Variants in GRAMD1A observed in about 807,000 individuals in gnomAD.
GRAMD1A encodes the protein protein Aster-A.
In GRAMD1A, 50 loss-of-function variants were observed where a neutral mutation model predicts 92.0. That is an observed-to-expected ratio of 0.54 (90% CI 0.43 to 0.69). GRAMD1A has a LOEUF of 0.69. Ranked by LOEUF, GRAMD1A falls within the 30% of genes least tolerant of loss-of-function variation. The pLI, the probability that GRAMD1A is intolerant of heterozygous loss-of-function variation, is 0.00. For synonymous variants in GRAMD1A, 405 were observed against 403.6 expected, an observed-to-expected ratio of 1.00 and a Z score of -0.04; for missense variants, 819 against 978.9, an observed-to-expected ratio of 0.84 and a Z score of 2.18.
chr19:35,004,447 C>T (rs1369812046), intron 1 of GRAMD1A, among the ~76,000 whole-genome samples: 1 of 152,146 alleles, frequency 6.6e-6, no homozygotes, highest in African/African-American at 2.4e-5. Flanking sequence ...CTTTCCAAGT[C>T]CTGCCTGCTG....
At chr19:35,004,188 G>C (rs2014627631) in intron 1 of GRAMD1A, among the ~76,000 whole-genome samples, 1 of 152,146 alleles carries the variant, frequency 6.6e-6, no homozygotes. Flanking sequence ...GGGAGGCTGA[G>C]GATTGAGAAT....
rs1672100314 is a variant in GRAMD1A, at chr19:35,013,808, G to A, written c.870+117G>A. 4 of 1,046,238 alleles carry A rather than the reference G, an allele frequency of 3.8e-6. No homozygotes were observed. In the Admixed American group the frequency reaches 9.8e-5, roughly 26 times the overall value. The allele number at this position is 1,046,238 out of a possible 1,614,324, so 64.8% of individuals were successfully genotyped here. A position where few individuals can be genotyped will look rare whatever the true frequency, so the allele number is the denominator to read the frequency against. The stretch of plus-strand genomic sequence containing the variant: ...GGAGGGGAATGGATAGGGGGACAGG[G>A]GAGGCCTGGATGGAGGAACAGGACA... On this transcript the variant is annotated intron_variant, in intron 9 of 19. Transcript: ENST00000317991. This position sits in a 1 kb window ranked among gnomAD's most constrained non-coding sequence, Gnocchi z 4.9.
rs373716369 is a variant in GRAMD1A at position 35,020,768 on chromosome 19, T to C, written c.1476-734T>C. On this transcript the variant is annotated intron_variant, in intron 13 of 19. Transcript: ENST00000317991. ...CCAGGGCTCTGAGCCAGGAGGGCGC[T>C]GACCTGACTCAGGTGGTCCCAGGCT... Among the ~76,000 whole-genome samples the C allele has an allele frequency of 3.4e-3, 513 of 151,800 alleles. 27 individuals carry two copies. In the South Asian group the frequency reaches 0.087, roughly 26 times the overall value.
chr19:35,013,631 T>C lies in GRAMD1A; in HGVS notation c.810T>C (p.Gly270=), dbSNP rs370589936. 1.9e-4 allele frequency: 305 copies of C among 1,613,198 alleles called. No individual in the cohort carries two copies. Among genetic ancestry groups the C allele is most frequent in the Non-Finnish European group, 2.4e-4 (282 of 1,179,854 alleles). Residue 270 remains glycine (G), a synonymous_variant, in exon 9 of 20, where the codon GGT becomes GGC. Transcript: ENST00000317991. The surrounding 1 kb of genome is among the most constrained non-coding windows in gnomAD (Gnocchi z 4.9). ...ADRSQEPSPV[G]SRRGHVTPNL... is the part of the protein sequence containing the mutation. Reference sequence around the variant, plus strand: ...GCAGCCAGGAGCCAAGCCCAGTGGGTTCGCGCCGTGGCCATGTCACGCCCA... The same window carrying C: ...GCAGCCAGGAGCCAAGCCCAGTGGGCTCGCGCCGTGGCCATGTCACGCCCA...
chr19:35,023,468 C>T lies in GRAMD1A; in HGVS notation c.2003C>T (p.Ala668Val), dbSNP rs777247074. Residue 668 changes from alanine (A) to valine (V), a missense_variant, in exon 19 of 20, where the codon GCG (alanine) becomes GTG (valine). Transcript: ENST00000317991. ...GCCACAGAGTGGGCCGAGATCCTGG[C>T]GCTGCAGAAGCAATTCCACAGCGTG... ...QTATEWAEIL[A>V]LQKQFHSVEV... 2.1e-5 allele frequency: 34 copies of T among 1,586,278 alleles called. No individual in the cohort carries two copies. The highest frequency in any genetic ancestry group is 9.4e-5 in the Admixed American group (5 of 53,370).
chr19:35,018,473 C>T (rs1293555469), intron 11 of GRAMD1A, among the ~76,000 whole-genome samples: 1 of 152,196 alleles, frequency 6.6e-6, no homozygotes, highest in Non-Finnish European at 1.5e-5. Flanking sequence ...CAGGCCCTAC[C>T]TCCGGCATTG....
intron 13 of GRAMD1A, among the ~76,000 whole-genome samples, chr19:35,019,965 A>C (rs538093152): frequency 6.6e-6 from 1 of 152,332 alleles, no homozygotes; most frequent in African/African-American, 2.4e-5. Flanking sequence ...CTACTGGGAA[A>C]GAAATGTTTC....
chr19:35,010,474 T>A, intron 6 of GRAMD1A, 95 bp downstream of exon 6: 1 of 827,364 alleles, frequency 1.2e-6, no homozygotes. Flanking sequence ...GCACCCTGAG[T>A]TCTCTCCGAG....
At chr19:35,009,565 C>T (rs191577067) in intron 3 of GRAMD1A, 122 bp downstream of exon 3, 2 of 979,984 alleles carry the variant, frequency 2.0e-6, no homozygotes, top group Admixed American at 1.8e-5. Flanking sequence ...CCTAGGGTCA[C>T]GTTCTATGCT....
rs934227924 is a variant in GRAMD1A, at chr19:35,019,394, C to T, written c.1336C>T (p.Leu446=). 4.3e-6 allele frequency: 7 copies of T among 1,613,670 alleles called. No individual in the cohort carries two copies. Among genetic ancestry groups the T allele is most frequent in the Non-Finnish European group, 5.1e-6 (6 of 1,179,918 alleles). Residue 446 remains leucine (L), a synonymous_variant, in exon 13 of 20, where the codon CTG becomes TTG. Coordinates refer to ENST00000317991, the MANE Select transcript of GRAMD1A (RefSeq NM_020895.5). ...TTCTCCGGCTCTGTCCCTGCAGACG[C>T]TGTTCCGGCGCGGCCCCCAGGCCGG... The part of the protein sequence containing the change: ...KSASVVETQT[L]FRRGPQAGGC...
At chr19:34,996,363 T>C, upstream of GRAMD1A, 1 of 1,272,090 alleles carries the variant, frequency 7.9e-7, no homozygotes, top group African/African-American at 1.5e-5. Context: ...CAAGGGTGGG[T>C]TCCTTGTGGC....
At chr19:35,024,307 T>C (rs1016643352) in intron 19 of GRAMD1A, among the ~76,000 whole-genome samples, 4 of 152,236 alleles carry the variant, frequency 2.6e-5, no homozygotes, top group Non-Finnish European at 5.9e-5. Flanking sequence ...GTGGGCTGGC[T>C]GTCCTGAGTT....
At chr19:35,016,619 T>G (rs1413396294) in intron 11 of GRAMD1A, among the ~76,000 whole-genome samples, 25 of 65,166 alleles carry the variant, frequency 3.8e-4, no homozygotes, top group South Asian at 5.7e-4. Context: ...GGGGGTGGGG[T>G]GCTGGGCACA....
chr19:35,007,716 A>G (rs2014927709), intron 1 of GRAMD1A, among the ~76,000 whole-genome samples: 1 of 151,936 alleles, frequency 6.6e-6, no homozygotes, highest in Admixed American at 6.6e-5. Context: ...AAATTTTTTA[A>G]AAATAAAAAA....
intron 1 of GRAMD1A, chr19:35,005,979 C>T (rs1360276070): frequency 4.4e-6 from 2 of 456,136 alleles, no homozygotes; most frequent in African/African-American, 4.0e-5. Flanking sequence ...GGGAATCCCA[C>T]CTGCACCCCA....
chr19:35,010,829 T>A (rs1397343571), intron 6 of GRAMD1A, among the ~76,000 whole-genome samples: 1 of 152,134 alleles, frequency 6.6e-6, no homozygotes, highest in Non-Finnish European at 1.5e-5. Flanking sequence ...CCAGGTGTAG[T>A]GGCTCATGCC....
rs758428360 is a variant in GRAMD1A at position 35,009,138 on chromosome 19, C to G, written c.28C>G (p.Arg10Gly). The change falls in exon 2 of 20, where the codon CGG (arginine) becomes GGG (glycine). Residue 10 changes from arginine (R) to glycine (G), a missense_variant. Arg to Gly is a moderately radical substitution (Grantham distance 125). Transcript: ENST00000317991. MFDTTPHSGRSTPSSSPSLR... is the reference protein window; with the variant it reads MFDTTPHSGGSTPSSSPSLR... Reference sequence around the variant, plus strand: ...CCCCAGCACCACACCCCACTCTGGCCGGAGCACGCCAAGCAGCTCCCCATC... The same window carrying G: ...CCCCAGCACCACACCCCACTCTGGCGGGAGCACGCCAAGCAGCTCCCCATC... 1.9e-6 allele frequency: 3 copies of G among 1,613,234 alleles called. No individual in the cohort carries two copies. The highest frequency in any genetic ancestry group is 1.7e-4 in the Middle Eastern group (1 of 6,060).
Position 35,013,482 on chromosome 19 carries a change from C to T in GRAMD1A, c.720-59C>T, listed in dbSNP as rs1305777741. 7.7e-6 allele frequency: 12 copies of T among 1,564,826 alleles called. No homozygotes were observed. Among genetic ancestry groups the T allele is most frequent in the Non-Finnish European group, 1.0e-5 (12 of 1,143,486 alleles). ...ATGGTTGTATGACGTCTGGAGGATT[C>T]AGGAGGGTGTATGGGGTCTCAAGGA... On this transcript the variant is annotated intron_variant, in intron 8 of 19. Coordinates refer to ENST00000317991, the MANE Select transcript of GRAMD1A (RefSeq NM_020895.5). The surrounding 1 kb of genome is among the most constrained non-coding windows in gnomAD (Gnocchi z 4.9).
intron 16 of GRAMD1A, 135 bp from the exon 17 acceptor site, chr19:35,022,765 A>G (rs2016156976): frequency 1.4e-6 from 1 of 716,582 alleles, no homozygotes; most frequent in East Asian, 3.4e-5. Flanking sequence ...TCTGAGCCTC[A>G]GCTCTCAGCT....
Sources: allele counts gnomAD v4.1 joint callset (sites outside exome capture counted in the v4.1 genomes callset), GRCh38; gene constraint gnomAD v4.1.1; non-coding constraint Gnocchi (gnomAD v3.1); transcripts MANE v1.5; gene names NCBI Gene and HGNC (gene_info 2026-07-23, HGNC 2026-07-21).